Variants in CXCL9 observed in about 807,000 individuals in gnomAD.
The protein encoded by CXCL9 is C-X-C motif chemokine ligand 9.
In CXCL9, 8 loss-of-function variants were observed where a neutral mutation model predicts 11.7. The observed-to-expected ratio is 0.68, with a 90% CI of 0.40 to 1.23. CXCL9 has a LOEUF of 1.23. Ranked by LOEUF, CXCL9 falls within the 50% of genes most tolerant of loss-of-function variation. The pLI, the probability that CXCL9 is intolerant of heterozygous loss-of-function variation, is 0.01. For synonymous variants in CXCL9, 43 were observed against 48.2 expected (o/e 0.89, Z 0.45); for missense variants, 133 against 141.7 (o/e 0.94, Z 0.31).
Position 76,002,554 on chromosome 4 carries a change from C to T in CXCL9, c.*1044G>A. 1 of 391,516 alleles carries T rather than the reference C, an allele frequency of 2.6e-6. No homozygotes were observed. The highest frequency in any genetic ancestry group is 4.5e-6 in the Non-Finnish European group (1 of 222,166). The allele number at this position is 391,516 out of a possible 1,614,324, so 24.3% of individuals were successfully genotyped here. A position where few individuals can be genotyped will look rare whatever the true frequency, so the allele number is the denominator to read the frequency against. ...ACATCAATTAAAAAATTATTAAAAC[C>T]TAGTTCCACAGTATTATTAGGCACT... On this transcript the variant is annotated 3_prime_UTR_variant, in exon 4 of 4. Coordinates refer to ENST00000264888, the MANE Select transcript of CXCL9 (RefSeq NM_002416.3).
chr4:76,004,362 A>G (rs1731537302), intron 3 of CXCL9, among the ~76,000 whole-genome samples: 2 of 152,168 alleles, frequency 1.3e-5, no homozygotes, highest in Admixed American at 1.3e-4. Flanking sequence ...CTGACATGAG[A>G]AATCTTCCTT....
chr4:76,004,854 T>G lies in CXCL9; in HGVS notation c.231A>C (p.Pro77=), dbSNP rs1731554337. The part of the protein sequence containing the change: ...LKNGVQTCLN[P]DSADVKELIK... ...TCAGTTCCTTCACATCTGCTGAATC[T>G]GGGTTTAGACATGTTTGAACTCCAT... The change falls in exon 3 of 4, where the codon CCA becomes CCC. Residue 77 remains proline, a synonymous_variant. Coordinates refer to ENST00000264888, the MANE Select transcript of CXCL9 (RefSeq NM_002416.3). The G allele has an allele frequency of 1.2e-6, 2 of 1,610,048 alleles. No homozygotes were observed. The highest frequency in any genetic ancestry group is 1.7e-6 in the Non-Finnish European group (2 of 1,178,744).
chr4:76,006,098 T>G (rs752864451), intron 2 of CXCL9, 50 bp downstream of exon 2: 5 of 1,568,624 alleles, frequency 3.2e-6, no homozygotes, highest in Non-Finnish European at 4.4e-6. Flanking sequence ...ATGCTAAATT[T>G]AATGTTCTTG....
intron 3 of CXCL9, 51 bp from the exon 4 acceptor site, chr4:76,003,750 A>G: frequency 9.1e-7 from 1 of 1,096,900 alleles, no homozygotes; most frequent in Non-Finnish European, 1.4e-6. Flanking sequence ...TACCATTTTT[A>G]CTTCCTTTTA....
rs1456165190 is a variant in CXCL9, at chr4:76,001,923, G to A, written c.*1675C>T. 3 of 193,690 alleles carry A rather than the reference G, an allele frequency of 1.5e-5. No homozygotes were observed. Among genetic ancestry groups the A allele is most frequent in the African/African-American group, 6.9e-5 (3 of 43,292 alleles). The allele number at this position is 193,690 out of a possible 1,614,324, so 12.0% of individuals were successfully genotyped here. On this transcript the variant is annotated 3_prime_UTR_variant, in exon 4 of 4. Coordinates refer to ENST00000264888, the MANE Select transcript of CXCL9 (RefSeq NM_002416.3). The stretch of plus-strand genomic sequence containing the variant: ...CAATTCACTGAACCTCCCCTGGAAG[G>A]AGGTTTCCACATCCTGCAGAGGCTA...
rs757800066 is a variant in CXCL9 at position 76,006,142 on chromosome 4, A to G, written c.191+6T>C. 54 of 1,612,236 alleles carry G rather than the reference A, an allele frequency of 3.3e-5. 1 individual carries two copies. The South Asian group carries it at 5.7e-4, about 17-fold the overall frequency. ...GTGCATGCATGTTAGCTGGGTTGTT[A>G]CTTACATGATTTCAATTTTCTCGCA... On this transcript the variant is annotated splice_donor_region_variant and intron_variant, in intron 2 of 3. Transcript: ENST00000264888.
intron 1 of CXCL9, 40 bp from the exon 2 acceptor site, chr4:76,006,314 A>G (rs767534816): frequency 6.3e-7 from 1 of 1,579,018 alleles, no homozygotes; most frequent in South Asian, 1.2e-5. Flanking sequence ...AGTATAGGCC[A>G]ATGTTTCAGT....
rs974759923 is a variant in CXCL9 at position 76,002,300 on chromosome 4, C to T, written c.*1298G>A. On this transcript the variant is annotated 3_prime_UTR_variant, in exon 4 of 4. Transcript: ENST00000264888. ...CGGTAAACTGTATATTTTTTAAAAACAGTCCAGAATATCCGCAAGTGTTTT... is the reference window on the plus strand; with the variant it reads ...CGGTAAACTGTATATTTTTTAAAAATAGTCCAGAATATCCGCAAGTGTTTT... 3.8e-5 allele frequency: 15 copies of T among 398,352 alleles called. No individual in the cohort carries two copies. The highest frequency in any genetic ancestry group is 2.6e-4 in the Admixed American group (6 of 22,698). The allele number at this position is 398,352 out of a possible 1,614,324, so 24.7% of individuals were successfully genotyped here. A position where few individuals can be genotyped will look rare whatever the true frequency, so the allele number is the denominator to read the frequency against.
chr4:76,005,931 T>C, intron 2 of CXCL9: 2 of 425,770 alleles, frequency 4.7e-6, no homozygotes, highest in African/African-American at 2.0e-5. Context: ...ATTAAACATT[T>C]TGTACAATAA....
rs139830877 is a variant in CXCL9, at chr4:76,003,635, C to T, written c.341G>A (p.Arg114Gln). 52 of 1,611,618 alleles carry T rather than the reference C, an allele frequency of 3.2e-5. No homozygotes were observed. The highest frequency in any genetic ancestry group is 5.3e-5 in the African/African-American group (4 of 74,854). ...CTTTTGACGAGAACGTTGAGATTTT[C>T]GAACTTTCAGAACTTTCTTTTTTTG... ...KHQKKKVLKV[R>Q]KSQRSRQKKT... is the part of the protein sequence containing the mutation. The change falls in exon 4 of 4, where the codon CGA (arginine) becomes CAA (glutamine). Residue 114 changes from arginine (R) to glutamine (Q), a missense_variant. Arg to Gln is a conservative substitution (Grantham distance 43). Coordinates refer to ENST00000264888, the MANE Select transcript of CXCL9 (RefSeq NM_002416.3).
Position 76,002,037 on chromosome 4 carries a change from G to A in CXCL9, c.*1561C>T, listed in dbSNP as rs1731477731. On this transcript the variant is annotated 3_prime_UTR_variant, in exon 4 of 4. Coordinates refer to ENST00000264888, the MANE Select transcript of CXCL9 (RefSeq NM_002416.3). ...CCGTTCCCTTTCTTCATGGGAGATGGTGTGGTAATTGATAATCACAATACA... is the reference window on the plus strand; with the variant it reads ...CCGTTCCCTTTCTTCATGGGAGATGATGTGGTAATTGATAATCACAATACA... 3.0e-6 allele frequency: 1 copy of A among 335,916 alleles called. No individual in the cohort carries two copies. Among genetic ancestry groups the A allele is most frequent in the Non-Finnish European group, 5.3e-6 (1 of 187,230 alleles). 20.8% of individuals were successfully genotyped at this position (335,916 alleles called of 1,614,324 possible).
At chr4:76,003,751 C>T in intron 3 of CXCL9, 52 bp from the exon 4 acceptor site, 5 of 1,098,432 alleles carry the variant, frequency 4.6e-6, no homozygotes, top group Non-Finnish European at 6.9e-6. Flanking sequence ...ACCATTTTTA[C>T]TTCCTTTTAT....
chr4:76,006,238 A>G lies in CXCL9; in HGVS notation c.101T>C (p.Ile34Thr), dbSNP rs1450263929. 1.2e-6 allele frequency: 2 copies of G among 1,613,838 alleles called. No individual in the cohort carries two copies. The highest frequency in any genetic ancestry group is 1.7e-6 in the Non-Finnish European group (2 of 1,179,762). Residue 34 changes from isoleucine (I) to threonine (T), a missense_variant, in exon 2 of 4, where the codon ATC becomes ACC. Coordinates refer to ENST00000264888, the MANE Select transcript of CXCL9 (RefSeq NM_002416.3). ...GTGGATAGTCCCTTGGTTGGTGCTG[A>G]TGCAGGAACAGCGACCCTTTCTCAC... Reference protein sequence around the residue: ...PVVRKGRCSCISTNQGTIHLQ... With the variant: ...PVVRKGRCSCTSTNQGTIHLQ...
chr4:76,003,396 C>T lies in CXCL9; in HGVS notation c.*202G>A, dbSNP rs1030987468. ...CTGGTGGGTGGTAGAAGAACAAAGA[C>T]AATCATAGCCTTTAACAATTCTTAA... On this transcript the variant is annotated 3_prime_UTR_variant, in exon 4 of 4. Transcript: ENST00000264888. The T allele has an allele frequency of 7.6e-6, 4 of 523,162 alleles. No individual in the cohort carries two copies. Among genetic ancestry groups the T allele is most frequent in the Non-Finnish European group, 1.3e-5 (4 of 298,370 alleles). The allele number at this position is 523,162 out of a possible 1,614,324, so 32.4% of individuals were successfully genotyped here.
Position 76,004,807 on chromosome 4 carries a change from A to C in CXCL9, c.276+2T>G. On this transcript the variant is annotated splice_donor_variant, in intron 3 of 3. Coordinates refer to ENST00000264888, the MANE Select transcript of CXCL9 (RefSeq NM_002416.3). LOFTEE classifies it high-confidence loss of function. ...AAAATTTTGATCTTCCTTTTCACCAACCTGTTTCTCCCACTTTTTAATCAG... is the reference window on the plus strand; with the variant it reads ...AAAATTTTGATCTTCCTTTTCACCACCCTGTTTCTCCCACTTTTTAATCAG... 6.3e-7 allele frequency: 1 copy of C among 1,589,552 alleles called. No homozygotes were observed. Among genetic ancestry groups the C allele is most frequent in the African/African-American group, 1.4e-5 (1 of 73,602 alleles).
rs1731497773 is a variant in CXCL9 at position 76,002,672 on chromosome 4, A to G, written c.*926T>C. The G allele has an allele frequency of 3.6e-6, 1 of 280,708 alleles. No individual in the cohort carries two copies. The highest frequency in any genetic ancestry group is 2.2e-5 in the African/African-American group (1 of 46,026). 17.4% of individuals were successfully genotyped at this position (280,708 alleles called of 1,614,324 possible). On this transcript the variant is annotated 3_prime_UTR_variant, in exon 4 of 4. Coordinates refer to ENST00000264888, the MANE Select transcript of CXCL9 (RefSeq NM_002416.3). ...AGGATAAACACCCAAGAATTAGTTA[A>G]CCATTGAGTGTTCACCCATGTGGTA...
Position 76,002,130 on chromosome 4 carries a change from G to A in CXCL9, c.*1468C>T, listed in dbSNP as rs1055620180. Reference sequence around the variant, plus strand: ...TAAAATGAGTTTCGATAAGGATCTCGGTGGCTATCTTGTTAGATCTTAGAA... The same window carrying A: ...TAAAATGAGTTTCGATAAGGATCTCAGTGGCTATCTTGTTAGATCTTAGAA... On this transcript the variant is annotated 3_prime_UTR_variant, in exon 4 of 4. Transcript: ENST00000264888. The A allele has an allele frequency of 3.0e-5, 12 of 395,742 alleles. No individual in the cohort carries two copies. Among genetic ancestry groups the A allele is most frequent in the Non-Finnish European group, 5.3e-5 (12 of 224,834 alleles). The allele number at this position is 395,742 out of a possible 1,614,324, so 24.5% of individuals were successfully genotyped here.
Position 76,003,152 on chromosome 4 carries a change from T to C in CXCL9, c.*446A>G, listed in dbSNP as rs1340139681. 1.3e-5 allele frequency: 2 copies of C among 157,490 alleles called. No homozygotes were observed. Among genetic ancestry groups the C allele is most frequent in the Non-Finnish European group, 2.8e-5 (2 of 71,934 alleles). The allele number at this position is 157,490 out of a possible 1,614,324, so 9.8% of individuals were successfully genotyped here. A position where few individuals can be genotyped will look rare whatever the true frequency, so the allele number is the denominator to read the frequency against. ...ACAGAGGTTGATGGCCACAGCAGCTTGGTGAGGTCCAGCTCAATTTCAAAC... is the reference window on the plus strand; with the variant it reads ...ACAGAGGTTGATGGCCACAGCAGCTCGGTGAGGTCCAGCTCAATTTCAAAC... On this transcript the variant is annotated 3_prime_UTR_variant, in exon 4 of 4. Coordinates refer to ENST00000264888, the MANE Select transcript of CXCL9 (RefSeq NM_002416.3).
rs1054200037 is a variant in CXCL9 at position 76,001,539 on chromosome 4, CA to C, written c.*2058del. 6.6e-6 allele frequency: 1 copy of C among 152,086 alleles called. No individual in the cohort carries two copies. Among genetic ancestry groups the C allele is most frequent in the Admixed American group, 6.6e-5 (1 of 15,258 alleles). The allele number at this position is 152,086 out of a possible 1,614,324, so 9.4% of individuals were successfully genotyped here. A position where few individuals can be genotyped will look rare whatever the true frequency, so the allele number is the denominator to read the frequency against. On this transcript the variant is annotated 3_prime_UTR_variant, in exon 4 of 4. Transcript: ENST00000264888. ...AAAATATTTCAAATTACAAGGTATA[CA>C]AGTCAATACTGTTTTGAAGTGAAAA...
Sources: allele counts gnomAD v4.1 joint callset (sites outside exome capture counted in the v4.1 genomes callset), GRCh38; gene constraint gnomAD v4.1.1; transcripts MANE v1.5; gene names NCBI Gene and HGNC (gene_info 2026-07-23, HGNC 2026-07-21).